FOXP1: variants seen among roughly 807,000 people sequenced by gnomAD.
FOXP1 encodes forkhead box protein P1.
Under a neutral mutation model 98.2 loss-of-function variants are expected in FOXP1, and 15 were observed. The ratio of observed to expected loss-of-function variants is 0.15; its 90% CI spans 0.10 to 0.24. FOXP1 has a LOEUF of 0.24. FOXP1 is among the 10% of genes least tolerant of loss of function. The pLI is 1.00. For synonymous variants in FOXP1, 371 were observed against 314.5 expected, an observed-to-expected ratio of 1.18 and a Z score of -1.90; for missense variants, 633 against 848.5, an observed-to-expected ratio of 0.75 and a Z score of 3.15.
chr3:71,366,352 G>A (rs898533027), intron 3 of FOXP1, among the ~76,000 whole-genome samples: 3 of 152,088 alleles, frequency 2.0e-5, no homozygotes, highest in Admixed American at 1.3e-4. Flanking sequence ...GTCTGACAAA[G>A]GCATATTTTA....
chr3:71,406,411 A>ATATATATATATATATATATATATT (rs1194412753), intron 3 of FOXP1, among the ~76,000 whole-genome samples: 1 of 134,854 alleles, frequency 7.4e-6, no homozygotes, highest in Non-Finnish European at 1.7e-5. Flanking sequence ...ATGTGTATAT[A>ATATATATATATATATATATATATT]TATATATATA....
chr3:71,339,604 A>C (rs779193715), intron 4 of FOXP1, among the ~76,000 whole-genome samples: 1 of 152,244 alleles, frequency 6.6e-6, no homozygotes, highest in African/African-American at 2.4e-5. Context: ...CTCTGCTTTC[A>C]AAATTAGTCC....
intron 2 of FOXP1, among the ~76,000 whole-genome samples, chr3:71,508,043 C>T (rs1261084162): frequency 6.6e-6 from 1 of 152,214 alleles, no homozygotes; most frequent in Non-Finnish European, 1.5e-5. Flanking sequence ...TGTCCAAATA[C>T]ACACAACTAG....
chr3:71,365,365 T>A lies in FOXP1; in HGVS notation c.-167-6121A>T, dbSNP rs143282451. Among the ~76,000 whole-genome samples the A allele has an allele frequency of 9.5e-3, 1,443 of 151,812 alleles. 60 individuals carry two copies. The highest frequency in any genetic ancestry group is 0.072 in the Admixed American group (1,103 of 15,228). ...GTTCTTTCCCCTAAGTCATGCCACC[T>A]TTCCAAGGGCCCATGCGCCCACATA... On this transcript the variant is annotated intron_variant, in intron 3 of 20. Coordinates refer to ENST00000649528, the MANE Select transcript of FOXP1 (RefSeq NM_001349338.3).
intron 3 of FOXP1, among the ~76,000 whole-genome samples, chr3:71,359,651 G>A (rs767504119): frequency 7.9e-5 from 12 of 152,210 alleles, no homozygotes; most frequent in Admixed American, 2.0e-4. Flanking sequence ...AGTCTCAAGC[G>A]CTCCCAAGTA....
intron 3 of FOXP1, among the ~76,000 whole-genome samples, chr3:71,466,102 G>C (rs1379042012): frequency 6.6e-6 from 1 of 152,264 alleles, no homozygotes; most frequent in East Asian, 1.9e-4. Flanking sequence ...CACTTATAAA[G>C]CTGGCAACCA....
intron 5 of FOXP1, among the ~76,000 whole-genome samples, chr3:71,260,276 C>T (rs557817012): frequency 6.6e-6 from 1 of 152,294 alleles, no homozygotes; most frequent in African/African-American, 2.4e-5. Context: ...AGCCACCGCG[C>T]CCGGCCAACA....
intron 7 of FOXP1, among the ~76,000 whole-genome samples, chr3:71,084,780 C>G (rs1438909826): frequency 2.6e-5 from 4 of 152,112 alleles, no homozygotes; most frequent in Non-Finnish European, 2.9e-5. Context: ...TGCCTGTAAT[C>G]CCAGAACTTT....
intron 6 of FOXP1, among the ~76,000 whole-genome samples, chr3:71,131,922 C>T (rs1222151484): frequency 6.6e-6 from 1 of 152,204 alleles, no homozygotes. Context: ...ACTGCCTCAT[C>T]TCCCTTCTGA....
At chr3:71,278,043 C>T (rs2071099030) in intron 5 of FOXP1, among the ~76,000 whole-genome samples, 1 of 152,018 alleles carries the variant, frequency 6.6e-6, no homozygotes, top group Non-Finnish European at 1.5e-5. Flanking sequence ...CAAGTCCTGG[C>T]CATAACACAC....
intron 5 of FOXP1, among the ~76,000 whole-genome samples, chr3:71,233,487 C>T (rs1050981391): frequency 6.6e-5 from 10 of 151,706 alleles, no homozygotes; most frequent in African/African-American, 1.9e-4. Context: ...AGTGCAATGG[C>T]GCGATCTCAG....
intron 3 of FOXP1, among the ~76,000 whole-genome samples, chr3:71,392,659 G>A (rs1380176336): frequency 1.3e-5 from 2 of 152,056 alleles, no homozygotes; most frequent in Non-Finnish European, 2.9e-5. Flanking sequence ...AAATTTCATG[G>A]GCATCTATAT....
At chr3:71,207,563 T>A (rs1464925031) in intron 5 of FOXP1, among the ~76,000 whole-genome samples, 1 of 152,208 alleles carries the variant, frequency 6.6e-6, no homozygotes, top group Non-Finnish European at 1.5e-5. Flanking sequence ...CACAGACAGA[T>A]GAGCAAGGCT....
rs1046843339 is a variant in FOXP1, at chr3:71,064,782, G to T, written c.283-11009C>A. 1.1e-4 allele frequency: 110 copies of T among 984,476 alleles called. No individual in the cohort carries two copies. In the Middle Eastern group the frequency reaches 1.6e-3, roughly 14 times the overall value. The allele number at this position is 984,476 out of a possible 1,614,324, so 61.0% of individuals were successfully genotyped here. A position where few individuals can be genotyped will look rare whatever the true frequency, so the allele number is the denominator to read the frequency against. On this transcript the variant is annotated intron_variant, in intron 7 of 20. Transcript: ENST00000649528. ...GGAAGCGGGCGCCGCGGAGCCGGGG[G>T]AAGGAGAGCGAAACCGGCAAAGATC...
intron 3 of FOXP1, among the ~76,000 whole-genome samples, chr3:71,446,077 GTGAGTGAA>G (rs1045055964): frequency 7.6e-6 from 1 of 131,962 alleles, no homozygotes; most frequent in African/African-American, 2.8e-5. Flanking sequence ...GAGTGAGTGA[GTGAGTGAA>G]TGAATTCAGG....
intron 5 of FOXP1, among the ~76,000 whole-genome samples, chr3:71,244,535 A>AAGAAAT (rs1261856241): frequency 6.6e-6 from 1 of 152,046 alleles, no homozygotes; most frequent in East Asian, 1.9e-4. Flanking sequence ...GAAAAAGAAA[A>AAGAAAT]AGAAATACGC....
At chr3:71,527,235 G>A (rs2043462873) in intron 2 of FOXP1, among the ~76,000 whole-genome samples, 1 of 152,170 alleles carries the variant, frequency 6.6e-6, no homozygotes. Context: ...ATCTGTGACT[G>A]TCAGGCAACT....
chr3:71,301,901 A>G (rs1269888293), intron 4 of FOXP1, among the ~76,000 whole-genome samples: 2 of 152,232 alleles, frequency 1.3e-5, no homozygotes. Context: ...TTTAACCAGT[A>G]TCATTTTTTT....
intron 14 of FOXP1, among the ~76,000 whole-genome samples, chr3:70,984,867 C>T (rs944502192): frequency 2.0e-5 from 3 of 152,100 alleles, no homozygotes; most frequent in African/African-American, 7.2e-5. Context: ...TCTAACTATC[C>T]AAATCTGATG....
Sources: allele counts gnomAD v4.1 joint callset (sites outside exome capture counted in the v4.1 genomes callset), GRCh38; gene constraint gnomAD v4.1.1; transcripts MANE v1.5; gene names NCBI Gene and HGNC (gene_info 2026-07-23, HGNC 2026-07-21).